Variants in PTPN3 observed in about 807,000 individuals in gnomAD.
PTPN3 encodes protein tyrosine phosphatase non-receptor type 3.
In PTPN3, 96 loss-of-function variants were observed where a neutral mutation model predicts 132.7. The ratio of observed to expected loss-of-function variants is 0.72; its 90% CI spans 0.61 to 0.86. The LOEUF (loss-of-function observed/expected upper bound fraction) is 0.86, where lower values mean the gene tolerates loss of function less well. Among genes scored for constraint, PTPN3 ranks in the 40% least tolerant of loss-of-function variants. PTPN3 has a pLI of 0.00. For missense variants in PTPN3, 1,125 were observed against 1,159.6 expected (o/e 0.97, Z 0.43); for synonymous variants, 398 against 429.0 (o/e 0.93, Z 0.89).
At chr9:109,404,892 T>C (rs1353437603) in intron 18 of PTPN3, among the ~76,000 whole-genome samples, 5 of 152,184 alleles carry the variant, frequency 3.3e-5, no homozygotes, top group African/African-American at 1.2e-4. Flanking sequence ...AGAGAAAGAA[T>C]GTTATTTAAA....
the PTPN3 span, among the ~76,000 whole-genome samples, chr9:109,531,852 G>C: frequency 2.3e-5 from 1 of 43,128 alleles, no homozygotes; most frequent in Non-Finnish European, 4.6e-5. Context: ...GATTGACTTG[G>C]AGGTTAAAAA....
chr9:109,509,908 T>C, the PTPN3 span, among the ~76,000 whole-genome samples: 1 of 151,530 alleles, frequency 6.6e-6, no homozygotes, highest in Admixed American at 6.6e-5. Flanking sequence ...CGTGGGAACA[T>C]GTACAGCTCT....
At chr9:109,533,695 AGGAG>A in the PTPN3 span, 3 of 1,482,308 alleles carry the variant, frequency 2.0e-6, no homozygotes, top group Non-Finnish European at 2.8e-6. Flanking sequence ...CTCCCTGCAC[AGGAG>A]GGTTGGAATA....
At chr9:109,533,720 C>G in the PTPN3 span, 9 of 1,467,912 alleles carry the variant, frequency 6.1e-6, no homozygotes, top group African/African-American at 1.3e-4. Context: ...CTGTGGTCCA[C>G]GCCCATAGGG....
intron 14 of PTPN3, among the ~76,000 whole-genome samples, chr9:109,414,791 T>C (rs561486510): frequency 1.3e-5 from 2 of 152,330 alleles, no homozygotes; most frequent in South Asian, 4.1e-4. Context: ...CTGAGGAGAA[T>C]TTCTCATTGA....
At chr9:109,398,001 T>G (rs1227999048) in intron 19 of PTPN3, among the ~76,000 whole-genome samples, 1 of 152,224 alleles carries the variant, frequency 6.6e-6, no homozygotes, top group Admixed American at 6.5e-5. Flanking sequence ...GGGCCGGGCA[T>G]GGTGGCTGAT....
intron 1 of PTPN3, among the ~76,000 whole-genome samples, chr9:109,486,623 A>C (rs1847224452): frequency 6.6e-6 from 1 of 152,158 alleles, no homozygotes. Flanking sequence ...TGTTTCAGAA[A>C]TGCAGAGGAG....
chr9:109,514,023 A>G, the PTPN3 span, among the ~76,000 whole-genome samples: 1 of 152,090 alleles, frequency 6.6e-6, no homozygotes, highest in African/African-American at 2.4e-5. Flanking sequence ...CTCCTTATCC[A>G]TGACTATCCA....
At position 109,379,243 on chromosome 9, in the gene PTPN3, T is replaced by C. The variant is rs751373437; in HGVS notation, c.*313A>G. On this transcript the variant is annotated 3_prime_UTR_variant, in exon 26 of 26. Transcript: ENST00000374541. ...CAGCTCTGTGGGTGTCCGGTCTCAA[T>C]TGCTCCAGGATGCCGACAGGGGTGT... The C allele has an allele frequency of 2.1e-5, 6 of 287,120 alleles. No individual in the cohort carries two copies. Among genetic ancestry groups the C allele is most frequent in the Non-Finnish European group, 3.3e-5 (5 of 153,510 alleles). 17.8% of individuals were successfully genotyped at this position (287,120 alleles called of 1,614,324 possible).
At chr9:109,392,275 T>G (rs1295256233) in intron 19 of PTPN3, among the ~76,000 whole-genome samples, 2 of 152,178 alleles carry the variant, frequency 1.3e-5, no homozygotes, top group Non-Finnish European at 2.9e-5. Flanking sequence ...AAGGCTTATG[T>G]TTTCTTTTCT....
the PTPN3 span, chr9:109,533,459 C>T: frequency 7.7e-6 from 12 of 1,550,414 alleles, no homozygotes; most frequent in Non-Finnish European, 1.1e-5. Flanking sequence ...TTAGGGTTTT[C>T]TGTGTGTCTG....
At chr9:109,465,417 C>T (rs1176285209) in intron 1 of PTPN3, among the ~76,000 whole-genome samples, 1 of 151,980 alleles carries the variant, frequency 6.6e-6, no homozygotes, top group African/African-American at 2.4e-5. Flanking sequence ...CTGTACCAAA[C>T]ATACAAAACT....
At chr9:109,498,316 C>T (rs1847783651), upstream of PTPN3, 1 of 146,254 alleles carries the variant, frequency 6.8e-6, no homozygotes, top group Non-Finnish European at 1.5e-5. This position sits in a 1 kb window ranked among gnomAD's most constrained non-coding sequence, Gnocchi z 4.2. Context: ...CTGAGCATGC[C>T]CAGTGCCGCC....
chr9:109,417,827 T>C, intron 14 of PTPN3: 1 of 968,414 alleles, frequency 1.0e-6, no homozygotes, highest in Non-Finnish European at 1.2e-6. Flanking sequence ...CACTGTTATT[T>C]GCTATTCTTA....
chr9:109,380,677 TAAC>T (rs1043455249), intron 25 of PTPN3, among the ~76,000 whole-genome samples: 1 of 152,186 alleles, frequency 6.6e-6, no homozygotes, highest in Non-Finnish European at 1.5e-5. Flanking sequence ...TTTTTTCTCT[TAAC>T]AAGATTTTCT....
intron 7 of PTPN3, among the ~76,000 whole-genome samples, chr9:109,443,418 C>A (rs1472268876): frequency 2.0e-5 from 3 of 152,046 alleles, no homozygotes; most frequent in African/African-American, 7.3e-5. Flanking sequence ...ACTATAATAC[C>A]CAGGCTGGTC....
At chr9:109,460,366 C>T (rs1845784060) in intron 2 of PTPN3, among the ~76,000 whole-genome samples, 1 of 152,156 alleles carries the variant, frequency 6.6e-6, no homozygotes, top group Non-Finnish European at 1.5e-5. Context: ...ACTGCCACAC[C>T]AGTCTTTCAG....
intron 5 of PTPN3, chr9:109,449,231 C>T (rs924501103): frequency 1.2e-5 from 12 of 1,035,906 alleles, no homozygotes; most frequent in Middle Eastern, 4.5e-4. Context: ...GCACAAGCGG[C>T]GCCCACACAC....
At chr9:109,422,016 C>T (rs1354374222) in intron 13 of PTPN3, among the ~76,000 whole-genome samples, 1 of 152,168 alleles carries the variant, frequency 6.6e-6, no homozygotes, top group African/African-American at 2.4e-5. Flanking sequence ...ATGATAATTC[C>T]ACCTGACTCT....
Sources: allele counts gnomAD v4.1 joint callset (sites outside exome capture counted in the v4.1 genomes callset), GRCh38; gene constraint gnomAD v4.1.1; non-coding constraint Gnocchi (gnomAD v3.1); transcripts MANE v1.5; gene names NCBI Gene and HGNC (gene_info 2026-07-23, HGNC 2026-07-21).